FSTL5: variants seen among roughly 807,000 people sequenced by gnomAD.
FSTL5 encodes the protein follistatin like 5, also known as follistatin-related protein 5.
A neutral mutation model predicts 89.1 loss-of-function variants in FSTL5; 62 were observed. That is an observed-to-expected ratio of 0.70 (90% CI 0.57 to 0.86). FSTL5 has a LOEUF of 0.86. Among genes scored for constraint, FSTL5 ranks in the 40% least tolerant of loss-of-function variants. The pLI, the probability that FSTL5 is intolerant of heterozygous loss-of-function variation, is 0.00. For synonymous variants in FSTL5, 383 were observed against 346.2 expected, an observed-to-expected ratio of 1.11 and a Z score of -1.18; for missense variants, 1,057 against 1,001.6, an observed-to-expected ratio of 1.06 and a Z score of -0.75.
At chr4:161,916,018 G>A (rs1733828625) in intron 4 of FSTL5, among the ~76,000 whole-genome samples, 1 of 151,022 alleles carries the variant, frequency 6.6e-6, no homozygotes, top group South Asian at 2.1e-4. Flanking sequence ...AAAAAAAAAA[G>A]AAAGAAGAAA....
chr4:161,475,820 G>A (rs572897902), intron 13 of FSTL5, among the ~76,000 whole-genome samples: 1 of 152,044 alleles, frequency 6.6e-6, no homozygotes, highest in East Asian at 1.9e-4. Context: ...CGCAATCTCA[G>A]CTCACTGCAA....
chr4:161,872,382 T>C (rs1307034051), intron 4 of FSTL5, among the ~76,000 whole-genome samples: 2 of 152,200 alleles, frequency 1.3e-5, no homozygotes, highest in Non-Finnish European at 2.9e-5. Context: ...TATTGAGTTT[T>C]AGAAGTGTCT....
At chr4:161,530,512 T>C (rs1731375206) in intron 10 of FSTL5, among the ~76,000 whole-genome samples, 1 of 103,646 alleles carries the variant, frequency 9.6e-6, no homozygotes, top group Non-Finnish European at 2.1e-5. Flanking sequence ...TATCAAAATA[T>C]TAATTTTTTA....
chr4:161,750,751 G>A (rs1035571292), intron 6 of FSTL5, among the ~76,000 whole-genome samples: 9 of 152,190 alleles, frequency 5.9e-5, no homozygotes, highest in East Asian at 1.9e-4. Context: ...ATCTAAAAAG[G>A]TCTGAAAAAC....
At chr4:161,610,052 G>A (rs914876748) in intron 7 of FSTL5, among the ~76,000 whole-genome samples, 6 of 151,904 alleles carry the variant, frequency 3.9e-5, no homozygotes, top group Non-Finnish European at 7.4e-5. Flanking sequence ...TGAGTAGTAC[G>A]TGTATGTGTC....
At chr4:161,823,733 A>C (rs915367828) in intron 4 of FSTL5, among the ~76,000 whole-genome samples, 1 of 152,182 alleles carries the variant, frequency 6.6e-6, no homozygotes, top group Non-Finnish European at 1.5e-5. Flanking sequence ...CTGTGACTCC[A>C]CTGCTGCAGC....
Position 161,719,344 on chromosome 4 carries a change from G to A in FSTL5, c.727+40067C>T, listed in dbSNP as rs73862381. Among the ~76,000 whole-genome samples the A allele has an allele frequency of 7.6e-3, 1,153 of 152,196 alleles. 11 individuals carry two copies. Among genetic ancestry groups the A allele is most frequent in the African/African-American group, 0.024 (999 of 41,526 alleles). ...AGACTATACTGTTTTGATTACTGTA[G>A]CTTTGAAATGGATTTTAATGGCATT... is the stretch of plus-strand genomic sequence containing the variant. On this transcript the variant is annotated intron_variant, in intron 6 of 15. Transcript: ENST00000306100.
chr4:162,104,043 T>C (rs769317746), intron 2 of FSTL5, among the ~76,000 whole-genome samples: 9 of 152,220 alleles, frequency 5.9e-5, no homozygotes, highest in Admixed American at 3.3e-4. Context: ...GCGTTTGTTA[T>C]GGCTCCAGCT....
At chr4:161,715,237 A>G (rs950791987) in intron 6 of FSTL5, among the ~76,000 whole-genome samples, 1 of 152,186 alleles carries the variant, frequency 6.6e-6, no homozygotes, top group Non-Finnish European at 1.5e-5. Context: ...AAGTGCAGAA[A>G]GCATATTAAG....
At chr4:161,620,811 G>A (rs551320028) in intron 7 of FSTL5, among the ~76,000 whole-genome samples, 1 of 152,202 alleles carries the variant, frequency 6.6e-6, no homozygotes, top group African/African-American at 2.4e-5. Context: ...ATATTAAAAT[G>A]ATGAATATAA....
At chr4:161,896,135 AT>A (rs1355138339) in intron 4 of FSTL5, among the ~76,000 whole-genome samples, 4 of 152,308 alleles carry the variant, frequency 2.6e-5, no homozygotes, top group African/African-American at 9.6e-5. Flanking sequence ...CCTGAATTCC[AT>A]AATGTTTCTA....
intron 4 of FSTL5, among the ~76,000 whole-genome samples, chr4:161,784,901 C>CAAAAA (rs1402887255): frequency 8.2e-6 from 1 of 122,450 alleles, no homozygotes; most frequent in Non-Finnish European, 1.6e-5. Flanking sequence ...TCAAAAAAAA[C>CAAAAA]AAAAACAAAC....
At position 162,111,278 on chromosome 4, in the gene FSTL5, C is replaced by T. The variant is rs202045279; in HGVS notation, c.119G>A (p.Arg40Gln). ...TCAGAATATTGACTGTACCTTATGT[C>T]GCAATCTCATTAGAGGCTGATAGGA... Reference protein sequence around the residue: ...LKSYQPLMRLRHKQEKNQESS... With the variant: ...LKSYQPLMRLQHKQEKNQESS... Residue 40 changes from arginine (R) to glutamine (Q), a missense_variant, in exon 2 of 16, where the codon CGA (arginine) becomes CAA (glutamine). Coordinates refer to ENST00000306100, the MANE Select transcript of FSTL5 (RefSeq NM_020116.5). The T allele has an allele frequency of 5.0e-5, 81 of 1,606,930 alleles. No homozygotes were observed. Among genetic ancestry groups the T allele is most frequent in the Admixed American group, 3.7e-4 (22 of 59,800 alleles).
intron 2 of FSTL5, among the ~76,000 whole-genome samples, chr4:162,109,977 A>G (rs887717730): frequency 6.6e-6 from 1 of 152,062 alleles, no homozygotes; most frequent in Non-Finnish European, 1.5e-5. Flanking sequence ...AAAACTGATT[A>G]TTAGTCCATG....
At chr4:162,139,767 A>G (rs992234474) in intron 1 of FSTL5, among the ~76,000 whole-genome samples, 2 of 152,184 alleles carry the variant, frequency 1.3e-5, no homozygotes, top group African/African-American at 4.8e-5. Flanking sequence ...GGGAATTCTC[A>G]AACAAGGAAC....
At chr4:161,512,391 A>G (rs539420121) in intron 10 of FSTL5, among the ~76,000 whole-genome samples, 17 of 152,240 alleles carry the variant, frequency 1.1e-4, no homozygotes, top group African/African-American at 4.1e-4. Flanking sequence ...ACAGAAAAAA[A>G]TTCAAAGTTA....
intron 3 of FSTL5, among the ~76,000 whole-genome samples, chr4:161,953,940 A>G (rs1300744443): frequency 6.6e-6 from 1 of 151,670 alleles, no homozygotes; most frequent in Non-Finnish European, 1.5e-5. Flanking sequence ...TAAAGACACA[A>G]ATGCAAATGA....
intron 12 of FSTL5, among the ~76,000 whole-genome samples, chr4:161,482,971 G>A (rs1038146987): frequency 2.6e-5 from 4 of 152,170 alleles, no homozygotes; most frequent in Non-Finnish European, 4.4e-5. Context: ...TGAGATGTAT[G>A]GTGTTTCAGG....
Position 161,766,202 on chromosome 4 carries a change from C to G in FSTL5, c.607-6671G>C, listed in dbSNP as rs540396814. ...AGCTGCTTATCTAAATTCAGAATCA[C>G]AAGGGAATGACTTTGCTCACTTAAA... On this transcript the variant is annotated intron_variant, in intron 5 of 15. Coordinates refer to ENST00000306100, the MANE Select transcript of FSTL5 (RefSeq NM_020116.5). 4.0e-3 allele frequency among the ~76,000 whole-genome samples: 611 copies of G among 152,268 alleles called. 5 individuals carry two copies. Among genetic ancestry groups the G allele is most frequent in the African/African-American group, 0.014 (588 of 41,550 alleles).
Sources: allele counts gnomAD v4.1 joint callset (sites outside exome capture counted in the v4.1 genomes callset), GRCh38; gene constraint gnomAD v4.1.1; transcripts MANE v1.5; gene names NCBI Gene and HGNC (gene_info 2026-07-23, HGNC 2026-07-21).